The following MSRB3 variants were observed in gnomAD, a reference collection of about 807,000 sequenced individuals.
MSRB3 encodes methionine-R-sulfoxide reductase B3.
In MSRB3, 13 loss-of-function variants were observed where a neutral mutation model predicts 21.0. The ratio of observed to expected loss-of-function variants is 0.62; its 90% confidence interval spans 0.40 to 0.98. The LOEUF (loss-of-function observed/expected upper bound fraction) is 0.98, where lower values mean the gene tolerates loss of function less well. Ranked by LOEUF, MSRB3 falls within the 50% of genes least tolerant of loss-of-function variation. The probability of loss-of-function intolerance (pLI) is 0.00; values close to 1 mark genes in which losing one functional copy is unlikely to be tolerated. For missense variants in MSRB3, 199 were observed against 230.3 expected, an observed-to-expected ratio of 0.86 and a Z score of 0.88; for synonymous variants, 87 against 88.6, an observed-to-expected ratio of 0.98 and a Z score of 0.10.
intron 5 of MSRB3, among the ~76,000 whole-genome samples, chr12:65,451,249 A>G (rs1392378951): frequency 6.6e-6 from 1 of 152,166 alleles, no homozygotes; most frequent in Non-Finnish European, 1.5e-5. Context: ...GAGTTTTGAA[A>G]TATCTTTATT....
chr12:65,409,732 A>G (rs1488354949), intron 5 of MSRB3, among the ~76,000 whole-genome samples: 2 of 152,178 alleles, frequency 1.3e-5, no homozygotes, highest in East Asian at 3.8e-4. Flanking sequence ...TCAAAGCCAT[A>G]TTATCAAGAG....
chr12:65,408,665 C>A (rs1046141771), intron 5 of MSRB3, among the ~76,000 whole-genome samples: 3 of 152,142 alleles, frequency 2.0e-5, no homozygotes, highest in African/African-American at 7.2e-5. Context: ...TTTCAGTGAG[C>A]CTGCGCCCTT....
In MSRB3 at chr12:65,465,757, C is replaced by A. The variant is rs927602751; in HGVS notation, c.*2435C>A. 2.0e-5 allele frequency: 3 copies of A among 152,182 alleles called. No homozygotes were observed. Among genetic ancestry groups the A allele is most frequent in the African/African-American group, 7.2e-5 (3 of 41,414 alleles). 9.4% of individuals were successfully genotyped at this position (152,182 alleles called of 1,614,324 possible). On this transcript the variant is annotated 3_prime_UTR_variant, in exon 7 of 7. Transcript: ENST00000308259. Reference sequence around the variant, plus strand: ...AGGCTTCACGTCTCTCTAGAAATGACGTGTAAAATTTAAGACCAGACCTCA... The same window carrying A: ...AGGCTTCACGTCTCTCTAGAAATGAAGTGTAAAATTTAAGACCAGACCTCA...
At chr12:65,463,038 C>T (rs1413864358) in intron 6 of MSRB3, 117 bp from the exon 7 acceptor site, 45 of 1,257,610 alleles carry the variant, frequency 3.6e-5, no homozygotes, top group South Asian at 3.3e-4. Flanking sequence ...AAATCATCCA[C>T]GATGGTTTCC....
At chr12:65,292,355 T>C (rs1410722884) in intron 1 of MSRB3, among the ~76,000 whole-genome samples, 1 of 152,224 alleles carries the variant, frequency 6.6e-6, no homozygotes, top group Admixed American at 6.5e-5. Context: ...ATTGTAATCA[T>C]GAAATGGGAG....
intron 5 of MSRB3, among the ~76,000 whole-genome samples, chr12:65,387,273 C>T (rs1411935458): frequency 6.6e-6 from 1 of 152,050 alleles, no homozygotes; most frequent in Admixed American, 6.6e-5. Context: ...TGTGAAATAG[C>T]CTTCCAGAAA....
chr12:65,336,060 A>G (rs1875744247), intron 4 of MSRB3, among the ~76,000 whole-genome samples: 1 of 152,212 alleles, frequency 6.6e-6, no homozygotes, highest in South Asian at 2.1e-4. Flanking sequence ...CTCTCAGCCC[A>G]CTGACCCTTC....
At chr12:65,326,692 C>G in intron 2 of MSRB3, 134 bp from the exon 3 acceptor site, 1 of 700,982 alleles carries the variant, frequency 1.4e-6, no homozygotes, top group Non-Finnish European at 2.6e-6. Flanking sequence ...TTCAGGTAAG[C>G]ATTTCCAGTG....
chr12:65,326,716 T>C, intron 2 of MSRB3, 110 bp from the exon 3 acceptor site: 1 of 764,934 alleles, frequency 1.3e-6, no homozygotes, highest in Non-Finnish European at 2.3e-6. Context: ...TAGAGACTGG[T>C]CTGGTCATTG....
intron 5 of MSRB3, among the ~76,000 whole-genome samples, chr12:65,391,886 C>T (rs893929164): frequency 6.6e-6 from 1 of 151,848 alleles, no homozygotes; most frequent in Non-Finnish European, 1.5e-5. Context: ...GGAGAGTGTC[C>T]CAGGAATCCA....
At chr12:65,403,029 A>AG (rs1880216539) in intron 5 of MSRB3, among the ~76,000 whole-genome samples, 1 of 152,154 alleles carries the variant, frequency 6.6e-6, no homozygotes, top group Non-Finnish European at 1.5e-5. Context: ...CTCCTGTATG[A>AG]GGTGTCTGTC....
At chr12:65,296,813 C>T (rs1465112607) in intron 1 of MSRB3, among the ~76,000 whole-genome samples, 1 of 152,148 alleles carries the variant, frequency 6.6e-6, no homozygotes, top group African/African-American at 2.4e-5. Flanking sequence ...TGAACCTAAA[C>T]TTCAAACTGC....
At chr12:65,351,383 T>C (rs1876980578) in intron 4 of MSRB3, among the ~76,000 whole-genome samples, 2 of 141,762 alleles carry the variant, frequency 1.4e-5, no homozygotes, top group Admixed American at 1.4e-4. Context: ...ATTGACACCC[T>C]AACATCACAA....
In MSRB3 at chr12:65,396,305, A is replaced by G. The variant is rs61921498; in HGVS notation, c.292+27279A>G. Among the ~76,000 whole-genome samples, 652 of 152,344 alleles carry G rather than the reference A, an allele frequency of 4.3e-3. 4 individuals are homozygous for G. The highest frequency in any genetic ancestry group is 0.015 in the South Asian group (73 of 4,830). ...GTTTAATCTCCAAGCATTTTCTGAT[A>G]TTCTAGCTATCTTTCCGTTATTGAT... On this transcript the variant is annotated intron_variant, in intron 5 of 6. Coordinates refer to ENST00000308259, the MANE Select transcript of MSRB3 (RefSeq NM_001031679.3).
At chr12:65,369,980 C>T (rs1248191291) in intron 5 of MSRB3, among the ~76,000 whole-genome samples, 2 of 152,048 alleles carry the variant, frequency 1.3e-5, no homozygotes, top group Non-Finnish European at 2.9e-5. Flanking sequence ...CACACTTTTT[C>T]TTCTTTATAA....
rs138940219 is a variant in MSRB3 at position 65,300,343 on chromosome 12, C to A, written c.-51-8186C>A. Among the ~76,000 whole-genome samples, 4 of 152,222 alleles carry A rather than the reference C, an allele frequency of 2.6e-5. No homozygotes were observed. The East Asian group carries it at 5.8e-4, about 22-fold the overall frequency. ...TTAATGTGGGAATATGAGAGGGCAG[C>A]CGTATCTTCTGACTAAATTAAGAAT... On this transcript the variant is annotated intron_variant, in intron 1 of 6. Coordinates refer to ENST00000308259, the MANE Select transcript of MSRB3 (RefSeq NM_001031679.3).
At chr12:65,450,741 G>A (rs926141055) in intron 5 of MSRB3, among the ~76,000 whole-genome samples, 6 of 152,098 alleles carry the variant, frequency 3.9e-5, no homozygotes, top group African/African-American at 7.2e-5. Flanking sequence ...TCAACAAGAC[G>A]CAGATTGCTT....
At chr12:65,458,414 A>G (rs188015186) in intron 6 of MSRB3, among the ~76,000 whole-genome samples, 48 of 152,286 alleles carry the variant, frequency 3.2e-4, no homozygotes, top group Admixed American at 4.6e-4. Context: ...GACTTCTCAG[A>G]TAATGTTTTT....
chr12:65,452,035 A>G (rs1335527461), intron 5 of MSRB3, among the ~76,000 whole-genome samples: 1 of 152,218 alleles, frequency 6.6e-6, no homozygotes, highest in African/African-American at 2.4e-5. Context: ...ATAAGATGCA[A>G]TGTAGCATAA....
Sources: gnomAD v4.1 joint callset for allele counts (sites outside exome capture counted in the v4.1 genomes callset) on GRCh38, gnomAD v4.1.1 for gene constraint, MANE v1.5 for transcripts, NCBI Gene and HGNC (gene_info 2026-07-23, HGNC 2026-07-21) for gene names.